Variants in MN1 observed in about 807,000 individuals in gnomAD.
MN1 encodes transcriptional activator MN1.
MN1 carries 19 observed loss-of-function variants against 86.9 expected under a neutral mutation model. The ratio of observed to expected loss-of-function variants is 0.22; its 90% CI spans 0.15 to 0.32. MN1 has a LOEUF of 0.32. Ranked by LOEUF, MN1 falls within the 10% of genes least tolerant of loss-of-function variation. The probability of loss-of-function intolerance (pLI) is 1.00; values close to 1 mark genes in which losing one functional copy is unlikely to be tolerated. For missense variants in MN1, 1,841 were observed against 1,862.0 expected (o/e 0.99, Z 0.21); for synonymous variants, 928 against 849.6 (o/e 1.09, Z -1.60).
At chr22:27,766,930 C>T (rs1320059814) in intron 1 of MN1, among the ~76,000 whole-genome samples, 2 of 152,220 alleles carry the variant, frequency 1.3e-5, no homozygotes, top group African/African-American at 4.8e-5. Flanking sequence ...TTTCCTTTCT[C>T]TCTTCACCTG....
chr22:27,772,601 T>C (rs543391825), intron 1 of MN1, among the ~76,000 whole-genome samples: 2 of 152,250 alleles, frequency 1.3e-5, no homozygotes, highest in Non-Finnish European at 2.9e-5. Context: ...TGCAGACGTC[T>C]GTGGGGCACC....
chr22:27,775,200 G>C (rs994455283), intron 1 of MN1, among the ~76,000 whole-genome samples: 5 of 152,216 alleles, frequency 3.3e-5, no homozygotes, highest in African/African-American at 7.2e-5. Flanking sequence ...CGGCTGGAGG[G>C]TGCTGTGGGT....
At chr22:27,794,236 G>A (rs1933254102) in intron 1 of MN1, among the ~76,000 whole-genome samples, 1 of 152,204 alleles carries the variant, frequency 6.6e-6, no homozygotes. Context: ...TGGAACTACA[G>A]GGTGTTATCA....
Position 27,799,128 on chromosome 22 carries a change from C to G in MN1, c.1416G>C (p.Ser472=). 1 of 1,603,998 alleles carries G rather than the reference C, an allele frequency of 6.2e-7. No homozygotes were observed. Among genetic ancestry groups the G allele is most frequent in the Non-Finnish European group, 8.5e-7 (1 of 1,172,808 alleles). The change falls in exon 1 of 2, where the codon TCG becomes TCC. Residue 472 remains serine, a synonymous_variant. Coordinates refer to ENST00000302326, the MANE Select transcript of MN1 (RefSeq NM_002430.3). ...CGCCGTTGTGCATGCTGCCGTTCCA[C>G]GAAGCGCAGCGGTCCACTCCCGCGC... is the stretch of plus-strand genomic sequence containing the variant. ...PGSAGVDRCA[S]WNGSMHNGAL... is the part of the protein sequence containing the mutation.
intron 1 of MN1, among the ~76,000 whole-genome samples, chr22:27,758,746 G>A (rs534100610): frequency 6.6e-6 from 1 of 152,320 alleles, no homozygotes; most frequent in Admixed American, 6.5e-5. Context: ...CAGGTACCCA[G>A]GAAAATGCTA....
At chr22:27,762,007 G>A (rs1932838369) in intron 1 of MN1, among the ~76,000 whole-genome samples, 1 of 152,206 alleles carries the variant, frequency 6.6e-6, no homozygotes, top group Admixed American at 6.5e-5. Context: ...AGGAGGGGAT[G>A]AGGTGGTGCA....
At chr22:27,757,749 C>G (rs1932810541) in intron 1 of MN1, among the ~76,000 whole-genome samples, 1 of 152,080 alleles carries the variant, frequency 6.6e-6, no homozygotes, top group Non-Finnish European at 1.5e-5. Flanking sequence ...CTTCTTGGAG[C>G]CTTCGTGCTA....
rs757859451 is a variant in MN1 at position 27,799,458 on chromosome 22, C to CGGCGGCTGCTGCTGT, written c.1071_1085dup (p.Gln358_Pro362dup). ...GTCGGACTAGAAGCCCGGGTGGCGG[C>CGGCGGCTGCTGCTGT]GGCGGCTGCTGCTGTGGCGGCTGCT... On this transcript the variant is annotated inframe_insertion, in exon 1 of 2. Coordinates refer to ENST00000302326, the MANE Select transcript of MN1 (RefSeq NM_002430.3). 76 of 1,452,830 alleles carry CGGCGGCTGCTGCTGT rather than the reference C, an allele frequency of 5.2e-5. 2 individuals carry two copies. The highest frequency in any genetic ancestry group is 4.0e-4 in the Middle Eastern group (2 of 5,030). 90.0% of individuals were successfully genotyped at this position (1,452,830 alleles called of 1,614,324 possible). A position where few individuals can be genotyped will look rare whatever the true frequency, so the allele number is the denominator to read the frequency against.
Position 27,796,876 on chromosome 22 carries a change from T to G in MN1, c.3668A>C (p.His1223Pro). Residue 1223 changes from histidine to proline, a missense_variant, in exon 1 of 2, where the codon CAC becomes CCC. His to Pro is a moderately conservative substitution (Grantham distance 77). Transcript: ENST00000302326. ...TIDLDSLMAE[H>P]SAAWYMPADK... ...AGCGGGCATGTACCAGGCAGCGCTG[T>G]GCTCTGCCATCAGCGAGTCCAGGTC... is the stretch of plus-strand genomic sequence containing the variant. 2 of 1,613,164 alleles carry G rather than the reference T, an allele frequency of 1.2e-6. No individual in the cohort carries two copies. Among genetic ancestry groups the G allele is most frequent in the Non-Finnish European group, 1.7e-6 (2 of 1,179,996 alleles).
intron 1 of MN1, among the ~76,000 whole-genome samples, chr22:27,770,310 T>C (rs183243196): frequency 5.9e-5 from 9 of 152,334 alleles, no homozygotes; most frequent in East Asian, 1.9e-4. Flanking sequence ...CCATAGACAG[T>C]TGGCGGTTTG....
At chr22:27,754,493 G>C (rs752493703) in intron 1 of MN1, among the ~76,000 whole-genome samples, 3 of 152,200 alleles carry the variant, frequency 2.0e-5, no homozygotes, top group Non-Finnish European at 4.4e-5. Context: ...CCTCCGCCTA[G>C]AATGAGAAAG....
At chr22:27,788,765 C>T (rs1933173453) in intron 1 of MN1, among the ~76,000 whole-genome samples, 1 of 152,062 alleles carries the variant, frequency 6.6e-6, no homozygotes, top group South Asian at 2.1e-4. Context: ...TAACTGTCAT[C>T]TCACGTTCCA....
chr22:27,785,259 C>A (rs117756789), intron 1 of MN1, among the ~76,000 whole-genome samples: 3 of 152,210 alleles, frequency 2.0e-5, no homozygotes, highest in African/African-American at 7.2e-5. Flanking sequence ...CTAAACAATA[C>A]TTCCAAACAA....
chr22:27,796,906 G>A lies in MN1; in HGVS notation c.3638C>T (p.Thr1213Ile). 1 of 1,613,060 alleles carries A rather than the reference G, an allele frequency of 6.2e-7. No individual in the cohort carries two copies. The highest frequency in any genetic ancestry group is 1.1e-5 in the South Asian group (1 of 91,084). ...TGCCATCAGCGAGTCCAGGTCAATG[G>A]TGCTCATGGCGCTCTTGACCGCCTC... ...CSEAVKSAMS[T>I]IDLDSLMAEH... The change falls in exon 1 of 2, where the codon ACC becomes ATC. Residue 1213 changes from threonine (T) to isoleucine (I), a missense_variant. By Grantham distance (89) the Thr-to-Ile change is moderately conservative. Transcript: ENST00000302326.
At chr22:27,752,772 A>G (rs1020578909) in intron 1 of MN1, among the ~76,000 whole-genome samples, 9 of 152,098 alleles carry the variant, frequency 5.9e-5, no homozygotes, top group African/African-American at 2.2e-4. Context: ...GCTGATGTTG[A>G]ATTTCTGCCT....
intron 1 of MN1, among the ~76,000 whole-genome samples, chr22:27,777,527 T>G: frequency 8.9e-6 from 1 of 112,448 alleles, no homozygotes; most frequent in Non-Finnish European, 1.8e-5. Context: ...AGCTAGACCT[T>G]GTTTCTAAAA....
At position 27,750,326 on chromosome 22, in the gene MN1, C is replaced by G. The variant is rs1329836401; in HGVS notation, c.*589G>C. The G allele has an allele frequency of 4.3e-6, 1 of 231,052 alleles. No individual in the cohort carries two copies. Among genetic ancestry groups the G allele is most frequent in the Non-Finnish European group, 8.6e-6 (1 of 116,740 alleles). 14.3% of individuals were successfully genotyped at this position (231,052 alleles called of 1,614,324 possible). A position where few individuals can be genotyped will look rare whatever the true frequency, so the allele number is the denominator to read the frequency against. ...AGGGGCATTCATTGTTTGGCTCCTG[C>G]CTGACTGATGACACTGGGGTGTCAA... is the stretch of plus-strand genomic sequence containing the variant. On this transcript the variant is annotated 3_prime_UTR_variant, in exon 2 of 2. Coordinates refer to ENST00000302326, the MANE Select transcript of MN1 (RefSeq NM_002430.3).
In MN1 at chr22:27,799,405, C is replaced by G. The variant is rs1159531777; in HGVS notation, c.1139G>C (p.Arg380Pro). The change falls in exon 1 of 2, where the codon CGG becomes CCG. Residue 380 changes from arginine (R) to proline (P), a missense_variant. Arg to Pro is a moderately radical substitution (Grantham distance 103, BLOSUM62 -2). Coordinates refer to ENST00000302326, the MANE Select transcript of MN1 (RefSeq NM_002430.3). ...RQNSCPPALP[R>P]PQQGEAGTPS... ...CGTGCCCGCCTCGCCCTGCTGGGGCCGAGGGAGCGCAGGCGGGCACGAATT... is the reference window on the plus strand; with the variant it reads ...CGTGCCCGCCTCGCCCTGCTGGGGCGGAGGGAGCGCAGGCGGGCACGAATT... 2 of 1,502,420 alleles carry G rather than the reference C, an allele frequency of 1.3e-6. No homozygotes were observed. Among genetic ancestry groups the G allele is most frequent in the Admixed American group, 2.4e-5 (1 of 42,300 alleles). 93.1% of individuals were successfully genotyped at this position (1,502,420 alleles called of 1,614,324 possible). A position where few individuals can be genotyped will look rare whatever the true frequency, so the allele number is the denominator to read the frequency against.
intron 1 of MN1, among the ~76,000 whole-genome samples, chr22:27,791,208 C>T (rs1469708013): frequency 6.6e-6 from 1 of 152,130 alleles, no homozygotes; most frequent in Non-Finnish European, 1.5e-5. Context: ...CCACCCACCT[C>T]AGCTGTGCTC....
Sources: gnomAD v4.1 joint callset for allele counts (sites outside exome capture counted in the v4.1 genomes callset) on GRCh38, gnomAD v4.1.1 for gene constraint, MANE v1.5 for transcripts, NCBI Gene and HGNC (gene_info 2026-07-23, HGNC 2026-07-21) for gene names.